CCDC86: variants seen among roughly 807,000 people sequenced by gnomAD.
The protein encoded by CCDC86 is coiled-coil domain-containing protein 86.
In CCDC86, 28 loss-of-function variants were observed where a neutral mutation model predicts 36.7. The ratio of observed to expected loss-of-function variants is 0.76; its 90% CI spans 0.57 to 1.05. The LOEUF (loss-of-function observed/expected upper bound fraction) is 1.05, where lower values mean the gene tolerates loss of function less well. Among genes scored for constraint, CCDC86 ranks in the 50% least tolerant of loss-of-function variants. The probability of loss-of-function intolerance (pLI) is 0.00; values close to 1 mark genes in which losing one functional copy is unlikely to be tolerated. For synonymous variants in CCDC86, 199 were observed against 203.4 expected (o/e 0.98, Z 0.18); for missense variants, 453 against 470.2 (o/e 0.96, Z 0.34).
At chr11:60,847,181 T>A in intron 1 of CCDC86, among the ~76,000 whole-genome samples, 1 of 151,982 alleles carries the variant, frequency 6.6e-6, no homozygotes, top group East Asian at 1.9e-4. Flanking sequence ...CCTCCCAGGT[T>A]CAAGCAATTG....
intron 1 of CCDC86, among the ~76,000 whole-genome samples, chr11:60,846,405 T>A (rs1855182868): frequency 6.6e-6 from 1 of 150,504 alleles, no homozygotes; most frequent in African/African-American, 2.4e-5. Context: ...TTTCAGCATG[T>A]GGAGGCCACC....
In CCDC86 at chr11:60,850,259, T is replaced by A; in HGVS notation, c.1017T>A (p.Ile339=). 4 of 1,614,102 alleles carry A rather than the reference T, an allele frequency of 2.5e-6. No individual in the cohort carries two copies. In the African/African-American group the frequency reaches 5.3e-5, roughly 22 times the overall value. ...KRAKKKQLRS[I]EKRDTLALLQ... The stretch of plus-strand genomic sequence containing the variant: ...CAAAGAAGAAGCAGCTGCGCTCCAT[T>A]GAGAAGCGGGACACCCTGGCCCTGC... The change falls in exon 4 of 4, where the codon ATT becomes ATA. Residue 339 remains isoleucine, a synonymous_variant. Transcript: ENST00000227520.
chr11:60,850,161 C>A (rs537336791), intron 3 of CCDC86, 45 bp from the exon 4 acceptor site: 1 of 1,611,642 alleles, frequency 6.2e-7, no homozygotes, highest in Non-Finnish European at 8.5e-7. Flanking sequence ...GAATTTGGAC[C>A]GAGGCTGCAG....
rs1855209339 is a variant in CCDC86 at position 60,848,031 on chromosome 11, A to G, written c.866A>G (p.Glu289Gly). The G allele has an allele frequency of 1.2e-5, 19 of 1,613,228 alleles. No individual in the cohort carries two copies. Among genetic ancestry groups the G allele is most frequent in the East Asian group, 2.2e-5 (1 of 44,828 alleles). Residue 289 changes from glutamate (E) to glycine (G), a missense_variant, in exon 2 of 4, where the codon GAG becomes GGG. Physicochemically the swap from Glu to Gly is moderately conservative, Grantham distance 98. Coordinates refer to ENST00000227520, the MANE Select transcript of CCDC86 (RefSeq NM_024098.4). ...LAKDFARHLE[E>G]EKERRRQEKK... is the part of the protein sequence containing the mutation. ...AAGGACTTTGCCCGTCACCTGGAGG[A>G]GGAGAAGGAGAGGCGCCGCCAGGTG...
chr11:60,847,771 C>A, intron 1 of CCDC86, 153 bp from the exon 2 acceptor site: 1 of 1,041,474 alleles, frequency 9.6e-7, no homozygotes, highest in Non-Finnish European at 1.4e-6. Context: ...CCCCAAGTTT[C>A]TGCAGCCCTG....
At chr11:60,847,342 A>ATGTGGT in intron 1 of CCDC86, 1 of 152,416 alleles carries the variant, frequency 6.6e-6, no homozygotes, top group East Asian at 1.9e-4. Flanking sequence ...TCCTGGACTC[A>ATGTGGT]CGTGGTCTGC....
At chr11:60,844,097 G>A (rs1176682564) in intron 1 of CCDC86, among the ~76,000 whole-genome samples, 2 of 152,218 alleles carry the variant, frequency 1.3e-5, no homozygotes, top group South Asian at 2.1e-4. Flanking sequence ...CAGGTGGGAA[G>A]AGGGTGATGA....
intron 1 of CCDC86, among the ~76,000 whole-genome samples, chr11:60,845,003 A>G (rs1241293597): frequency 6.6e-6 from 1 of 152,262 alleles, no homozygotes; most frequent in Non-Finnish European, 1.5e-5. Flanking sequence ...AGAAAAATAA[A>G]CCAGGATGGG....
At position 60,847,908 on chromosome 11, in the gene CCDC86, A is replaced by G; in HGVS notation, c.759-16A>G. ...TGCCCCACAGACCCTGTATGCACCCACTCTCCCCCTTTCAGATTCTCCCAG... is the reference window on the plus strand; with the variant it reads ...TGCCCCACAGACCCTGTATGCACCCGCTCTCCCCCTTTCAGATTCTCCCAG... On this transcript the variant is annotated splice_polypyrimidine_tract_variant and intron_variant, in intron 1 of 3. Transcript: ENST00000227520. 6.2e-7 allele frequency: 1 copy of G among 1,605,744 alleles called. No homozygotes were observed.
At position 60,850,012 on chromosome 11, in the gene CCDC86, G is replaced by C. The variant is rs765672115; in HGVS notation, c.961G>C (p.Val321Leu). ...TGAGCGGAAGGCAGAGGTCGTCCAA[G>C]TGGTGAGTGTCTCGTTTTCCCCCTC... ...ENERKAEVVQ[V>L]IRNPAKLKRA... The change falls in exon 3 of 4, where the codon GTG becomes CTG. Residue 321 changes from valine to leucine, a missense_variant and splice_region_variant. Coordinates refer to ENST00000227520, the MANE Select transcript of CCDC86 (RefSeq NM_024098.4). 7 of 1,614,050 alleles carry C rather than the reference G, an allele frequency of 4.3e-6. No individual in the cohort carries two copies. The African/African-American group carries it at 8.0e-5, about 18-fold the overall frequency.
intron 2 of CCDC86, among the ~76,000 whole-genome samples, 170 bp from the exon 3 acceptor site, chr11:60,849,770 G>A (rs979513102): frequency 7.9e-5 from 12 of 152,124 alleles, no homozygotes; most frequent in African/African-American, 2.2e-4. Flanking sequence ...GCACTAGACC[G>A]TGGCACAGGA....
rs1312881927 is a variant in CCDC86 at position 60,850,930 on chromosome 11, C to T, written c.*605C>T. The T allele has an allele frequency of 2.0e-5, 3 of 152,430 alleles. No individual in the cohort carries two copies. Among genetic ancestry groups the T allele is most frequent in the African/African-American group, 4.8e-5 (2 of 41,482 alleles). 9.4% of individuals were successfully genotyped at this position (152,430 alleles called of 1,614,324 possible). ...AAGCCCCAGAGAATCTAACTCATGCCTGTCCAGTCTACAGCAAAAATATTT... is the reference window on the plus strand; with the variant it reads ...AAGCCCCAGAGAATCTAACTCATGCTTGTCCAGTCTACAGCAAAAATATTT... On this transcript the variant is annotated 3_prime_UTR_variant, in exon 4 of 4. Coordinates refer to ENST00000227520, the MANE Select transcript of CCDC86 (RefSeq NM_024098.4).
At chr11:60,846,703 T>C (rs529206795) in intron 1 of CCDC86, among the ~76,000 whole-genome samples, 2 of 152,192 alleles carry the variant, frequency 1.3e-5, no homozygotes, top group Admixed American at 1.3e-4. Context: ...GCCTCCCAAG[T>C]AGCTGGGATT....
chr11:60,849,466 C>T (rs921272312), intron 2 of CCDC86, among the ~76,000 whole-genome samples: 3 of 152,190 alleles, frequency 2.0e-5, no homozygotes, highest in African/African-American at 7.2e-5. Context: ...AGCCCCTGCC[C>T]AGCCCCACAC....
At position 60,850,445 on chromosome 11, in the gene CCDC86, C is replaced by T; in HGVS notation, c.*120C>T. The T allele has an allele frequency of 1.5e-6, 2 of 1,321,052 alleles. No homozygotes were observed. Among genetic ancestry groups the T allele is most frequent in the Non-Finnish European group, 2.0e-6 (2 of 983,094 alleles). 81.8% of individuals were successfully genotyped at this position (1,321,052 alleles called of 1,614,324 possible). A position where few individuals can be genotyped will look rare whatever the true frequency, so the allele number is the denominator to read the frequency against. The stretch of plus-strand genomic sequence containing the variant: ...CAAACCCATGGCTCCAGAACAGGGA[C>T]CCCCACCCCGACCGGGGCTCCTCGG... On this transcript the variant is annotated 3_prime_UTR_variant, in exon 4 of 4. Coordinates refer to ENST00000227520, the MANE Select transcript of CCDC86 (RefSeq NM_024098.4).
Position 60,842,267 on chromosome 11 carries a change from C to T in CCDC86, c.143C>T (p.Pro48Leu), listed in dbSNP as rs1204176102. 3 of 1,613,378 alleles carry T rather than the reference C, an allele frequency of 1.9e-6. No individual in the cohort carries two copies. The highest frequency in any genetic ancestry group is 2.5e-6 in the Non-Finnish European group (3 of 1,179,940). The change falls in exon 1 of 4, where the codon CCT becomes CTT. Residue 48 changes from proline (P) to leucine (L), a missense_variant. By Grantham distance (98) the Pro-to-Leu change is moderately conservative (BLOSUM62 -3). Transcript: ENST00000227520. ...GAAGAAACGAGGGAGCCCGGGTCTC[C>T]TCCGAGTGTGCAGCGGGCTGGCCTG... is the stretch of plus-strand genomic sequence containing the variant. ...NPEETREPGS[P>L]PSVQRAGLGS... is the part of the protein sequence containing the mutation.
intron 1 of CCDC86, among the ~76,000 whole-genome samples, chr11:60,847,236 A>T (rs1174901943): frequency 6.6e-6 from 1 of 152,114 alleles, no homozygotes; most frequent in African/African-American, 2.4e-5. Context: ...GGCATACACC[A>T]TCACACCCAG....
rs1252175353 is a variant in CCDC86 at position 60,850,190 on chromosome 11, CT to C, written c.964-15del. 1 of 1,614,166 alleles carries C rather than the reference CT, an allele frequency of 6.2e-7. No homozygotes were observed. Among genetic ancestry groups the C allele is most frequent in the Non-Finnish European group, 8.5e-7 (1 of 1,179,994 alleles). ...GCTGCAGCTGCACTAATGTCCTCCC[CT>C]CATACCACCCCCAGATCCGAAACCC... On this transcript the variant is annotated splice_polypyrimidine_tract_variant and intron_variant, in intron 3 of 3. Coordinates refer to ENST00000227520, the MANE Select transcript of CCDC86 (RefSeq NM_024098.4).
intron 2 of CCDC86, among the ~76,000 whole-genome samples, chr11:60,848,562 G>T (rs1169497069): frequency 6.6e-6 from 1 of 152,108 alleles, no homozygotes; most frequent in Non-Finnish European, 1.5e-5. Flanking sequence ...GAGCCAGGAA[G>T]CCCCTGTAAA....
Sources: gnomAD v4.1 joint callset for allele counts (sites outside exome capture counted in the v4.1 genomes callset) on GRCh38, gnomAD v4.1.1 for gene constraint, MANE v1.5 for transcripts, NCBI Gene and HGNC (gene_info 2026-07-23, HGNC 2026-07-21) for gene names.